Variants in DDX10 observed in about 807,000 individuals in gnomAD.
The protein encoded by DDX10 is probable ATP-dependent RNA helicase DDX10.
Under a neutral mutation model 104.3 loss-of-function variants are expected in DDX10, and 74 were observed. The observed-to-expected ratio is 0.71, with a 90% CI of 0.59 to 0.86. The LOEUF (loss-of-function observed/expected upper bound fraction) is 0.86. Among genes scored for constraint, DDX10 ranks in the 40% least tolerant of loss-of-function variants. The probability of loss-of-function intolerance (pLI) is 0.00; values close to 1 mark genes in which losing one functional copy is unlikely to be tolerated. For missense variants in DDX10, 952 were observed against 1,040.0 expected, an observed-to-expected ratio of 0.92 and a Z score of 1.16; for synonymous variants, 351 against 353.4, an observed-to-expected ratio of 0.99 and a Z score of 0.08.
At chr11:108,676,074 C>T (rs773805285) in intron 3 of DDX10, among the ~76,000 whole-genome samples, 54 of 152,204 alleles carry the variant, frequency 3.5e-4, no homozygotes, top group Non-Finnish European at 6.3e-4. Flanking sequence ...TCTGCTCTCA[C>T]CCTTGTGAGC....
intron 13 of DDX10, among the ~76,000 whole-genome samples, chr11:108,802,055 G>A (rs1175260645): frequency 6.7e-6 from 1 of 150,300 alleles, no homozygotes; most frequent in South Asian, 2.1e-4. Context: ...ATGTCTTGTG[G>A]CTGATCAGGT....
intron 9 of DDX10, among the ~76,000 whole-genome samples, chr11:108,697,434 G>A (rs1275674151): frequency 3.3e-5 from 5 of 152,028 alleles, no homozygotes; most frequent in Admixed American, 3.3e-4. Context: ...ATAATATATC[G>A]ATATAGGAAA....
chr11:108,738,877 C>T (rs2094321491), intron 13 of DDX10, among the ~76,000 whole-genome samples: 1 of 152,140 alleles, frequency 6.6e-6, no homozygotes, highest in Admixed American at 6.5e-5. Context: ...GACTCCCCTG[C>T]CCCTCAAGTC....
intron 13 of DDX10, among the ~76,000 whole-genome samples, chr11:108,750,926 C>CTTTTTTTTTTTTTTTT (rs10582729): frequency 4.1e-5 from 1 of 24,262 alleles, no homozygotes; most frequent in African/African-American, 9.5e-5. Context: ...CACCTGGTTA[C>CTTTTTTTTTTTTTTTT]TTTTTTTTTT....
At chr11:108,733,482 A>G (rs1412047708) in intron 13 of DDX10, among the ~76,000 whole-genome samples, 4 of 152,138 alleles carry the variant, frequency 2.6e-5, no homozygotes, top group Non-Finnish European at 5.9e-5. Context: ...TCACTTATTT[A>G]AATTCTTACC....
chr11:108,845,606 G>A (rs371672378), intron 15 of DDX10, among the ~76,000 whole-genome samples: 6 of 152,076 alleles, frequency 3.9e-5, no homozygotes, highest in African/African-American at 9.7e-5. Flanking sequence ...AAAAGGTGAC[G>A]AAACTTTTGA....
At chr11:108,907,917 A>T (rs1002369401) in intron 16 of DDX10, among the ~76,000 whole-genome samples, 1 of 152,202 alleles carries the variant, frequency 6.6e-6, no homozygotes, top group African/African-American at 2.4e-5. Context: ...ATATTACAAC[A>T]TTATTATTAA....
chr11:108,782,414 C>G (rs1433089612), intron 13 of DDX10, among the ~76,000 whole-genome samples: 1 of 152,092 alleles, frequency 6.6e-6, no homozygotes. Context: ...TAGACTATTT[C>G]TTCATCACTT....
At chr11:108,725,303 T>C (rs531248984) in intron 13 of DDX10, among the ~76,000 whole-genome samples, 2 of 152,098 alleles carry the variant, frequency 1.3e-5, no homozygotes, top group Non-Finnish European at 2.9e-5. Context: ...AATTTTCTCA[T>C]TTCTTGGGGA....
chr11:108,749,735 C>T (rs1204080244), intron 13 of DDX10, among the ~76,000 whole-genome samples: 3 of 152,068 alleles, frequency 2.0e-5, no homozygotes, highest in Non-Finnish European at 1.5e-5. Context: ...TCATTTAAAG[C>T]GTGCAGAATT....
chr11:108,714,442 A>G (rs974450133), intron 10 of DDX10, among the ~76,000 whole-genome samples: 2 of 151,980 alleles, frequency 1.3e-5, no homozygotes, highest in Non-Finnish European at 2.9e-5. Context: ...TTTTTTTCCA[A>G]TCTGTTCAGC....
chr11:108,743,805 G>C (rs1445960991), intron 13 of DDX10, among the ~76,000 whole-genome samples: 2 of 152,088 alleles, frequency 1.3e-5, no homozygotes, highest in Admixed American at 6.6e-5. Flanking sequence ...AATGGAAGCA[G>C]GTGTCCCATT....
chr11:108,847,161 A>G (rs1565297220), intron 15 of DDX10, among the ~76,000 whole-genome samples: 1 of 152,264 alleles, frequency 6.6e-6, no homozygotes, highest in African/African-American at 2.4e-5. Context: ...TAACATTTGC[A>G]TATGAAACCA....
chr11:108,679,521 A>C lies in DDX10; in HGVS notation c.809A>C (p.Asn270Thr). 1 of 1,611,480 alleles carries C rather than the reference A, an allele frequency of 6.2e-7. No homozygotes were observed. Among genetic ancestry groups the C allele is most frequent in the Non-Finnish European group, 8.5e-7 (1 of 1,179,354 alleles). Residue 270 changes from asparagine (N) to threonine (T), a missense_variant, in exon 6 of 18, where the codon AAC (asparagine) becomes ACC (threonine). Coordinates refer to ENST00000322536, the MANE Select transcript of DDX10 (RefSeq NM_004398.4). ...GACCTTGCACGCTTGAGTTTGAAAAACCCTGAGTATGTCTGGGTTCATGAA... is the reference window on the plus strand; with the variant it reads ...GACCTTGCACGCTTGAGTTTGAAAACCCCTGAGTATGTCTGGGTTCATGAA... ...VKDLARLSLK[N>T]PEYVWVHEKA... is the part of the protein sequence containing the mutation.
chr11:108,677,305 G>A (rs753245419), intron 4 of DDX10, 62 bp downstream of exon 4: 9 of 1,446,174 alleles, frequency 6.2e-6, no homozygotes, highest in East Asian at 2.3e-5. Flanking sequence ...TACTGTGGCC[G>A]ATGACAGGGA....
intron 5 of DDX10, 64 bp downstream of exon 5, chr11:108,678,499 A>G (rs1401973242): frequency 7.2e-7 from 1 of 1,385,832 alleles, no homozygotes; most frequent in Non-Finnish European, 9.6e-7. Flanking sequence ...GAGCCCTTAT[A>G]CATTTTTATG....
chr11:108,855,750 C>T (rs1326274057), intron 16 of DDX10, among the ~76,000 whole-genome samples: 1 of 152,108 alleles, frequency 6.6e-6, no homozygotes, highest in Non-Finnish European at 1.5e-5. Flanking sequence ...TGAGCCACTG[C>T]AACTGGCCAA....
intron 16 of DDX10, among the ~76,000 whole-genome samples, chr11:108,910,284 T>C (rs1334483182): frequency 6.6e-6 from 1 of 152,232 alleles, no homozygotes; most frequent in Non-Finnish European, 1.5e-5. Flanking sequence ...CCCTTGTGTA[T>C]GTCCAGGTTT....
chr11:108,784,787 A>C (rs1362361161), intron 13 of DDX10, among the ~76,000 whole-genome samples: 3 of 152,076 alleles, frequency 2.0e-5, no homozygotes, highest in Non-Finnish European at 4.4e-5. Flanking sequence ...CAAGCAGGGT[A>C]TTTTCTAGGT....
Sources: allele counts gnomAD v4.1 joint callset (sites outside exome capture counted in the v4.1 genomes callset), GRCh38; gene constraint gnomAD v4.1.1; transcripts MANE v1.5; gene names NCBI Gene and HGNC (gene_info 2026-07-23, HGNC 2026-07-21).